VAV3: variants seen among roughly 807,000 people sequenced by gnomAD.
VAV3 encodes guanine nucleotide exchange factor VAV3.
VAV3 carries 94 observed loss-of-function variants against 131.2 expected under a neutral mutation model. The observed-to-expected ratio is 0.72, with a 90% confidence interval of 0.61 to 0.85. VAV3 has a LOEUF of 0.85. Ranked by LOEUF, VAV3 falls within the 40% of genes least tolerant of loss-of-function variation. VAV3 has a pLI of 0.00. For missense variants in VAV3, 939 were observed against 1,002.7 expected, an observed-to-expected ratio of 0.94 and a Z score of 0.86; for synonymous variants, 349 against 342.0, an observed-to-expected ratio of 1.02 and a Z score of -0.22.
At chr1:107,731,422 C>T (rs1662231318) in intron 15 of VAV3, among the ~76,000 whole-genome samples, 1 of 152,110 alleles carries the variant, frequency 6.6e-6, no homozygotes, top group Admixed American at 6.5e-5. Flanking sequence ...TTCATTTATT[C>T]ATAAAACAAT....
intron 1 of VAV3, among the ~76,000 whole-genome samples, chr1:107,936,453 A>G (rs1377177131): frequency 6.6e-6 from 1 of 152,208 alleles, no homozygotes; most frequent in East Asian, 1.9e-4. Context: ...ACACTAACAG[A>G]TTTGTCTTAC....
chr1:107,838,736 T>C (rs978449830), intron 2 of VAV3, among the ~76,000 whole-genome samples: 4 of 151,900 alleles, frequency 2.6e-5, no homozygotes, highest in Admixed American at 2.6e-4. Context: ...AGATAAGAAA[T>C]TGTACACCAT....
At chr1:107,687,271 A>G (rs917406990) in intron 18 of VAV3, among the ~76,000 whole-genome samples, 1 of 152,034 alleles carries the variant, frequency 6.6e-6, no homozygotes, top group Non-Finnish European at 1.5e-5. Flanking sequence ...TTTATATCAC[A>G]CTCTTGATAT....
rs542308199 is a variant in VAV3, at chr1:107,738,114, C to T, written c.1502+10854G>A. Reference sequence around the variant, plus strand: ...GCAAACTATTGCAAGGACAGAACACCAAACACCGCATGTTCTCACTCATAG... The same window carrying T: ...GCAAACTATTGCAAGGACAGAACACTAAACACCGCATGTTCTCACTCATAG... On this transcript the variant is annotated intron_variant, in intron 15 of 26. Coordinates refer to ENST00000370056, the MANE Select transcript of VAV3 (RefSeq NM_006113.5). 3.6e-4 allele frequency among the ~76,000 whole-genome samples: 55 copies of T among 152,270 alleles called. 1 individual carries two copies. Among genetic ancestry groups the T allele is most frequent in the African/African-American group, 1.3e-3 (55 of 41,552 alleles).
intron 1 of VAV3, among the ~76,000 whole-genome samples, chr1:107,912,895 A>G (rs1057297597): frequency 6.6e-6 from 1 of 152,190 alleles, no homozygotes; most frequent in African/African-American, 2.4e-5. Context: ...CCACAACCAC[A>G]CTTTCCACAG....
At chr1:107,924,176 T>C (rs1571147545) in intron 1 of VAV3, among the ~76,000 whole-genome samples, 1 of 152,162 alleles carries the variant, frequency 6.6e-6, no homozygotes. Flanking sequence ...TAGAATCTTA[T>C]TGGTGAGAAG....
chr1:107,701,830 G>T (rs1166311862), intron 17 of VAV3, among the ~76,000 whole-genome samples: 1 of 152,014 alleles, frequency 6.6e-6, no homozygotes, highest in Non-Finnish European at 1.5e-5. Context: ...ATCTCCATTT[G>T]GGACCACCTC....
chr1:107,703,812 T>C (rs2101842714), intron 17 of VAV3, among the ~76,000 whole-genome samples: 1 of 151,170 alleles, frequency 6.6e-6, no homozygotes, highest in East Asian at 1.9e-4. Context: ...GTCTTATTGA[T>C]AAAAACACAG....
intron 2 of VAV3, among the ~76,000 whole-genome samples, chr1:107,848,562 T>G (rs979820051): frequency 6.6e-6 from 1 of 152,154 alleles, no homozygotes; most frequent in African/African-American, 2.4e-5. Context: ...TAGGTACTGA[T>G]GGAACATATC....
chr1:107,931,363 G>A (rs1165144178), intron 1 of VAV3, among the ~76,000 whole-genome samples: 1 of 152,098 alleles, frequency 6.6e-6, no homozygotes. Flanking sequence ...TTGAATACAT[G>A]TATCAAAATA....
intron 5 of VAV3, among the ~76,000 whole-genome samples, chr1:107,772,178 G>A (rs553462380): frequency 4.6e-5 from 7 of 152,264 alleles, no homozygotes; most frequent in African/African-American, 9.6e-5. Context: ...CTTTCTGAAT[G>A]TTCTGGATAT....
chr1:107,807,830 A>T (rs1319807668), intron 2 of VAV3, among the ~76,000 whole-genome samples: 3 of 152,244 alleles, frequency 2.0e-5, no homozygotes, highest in Non-Finnish European at 2.9e-5. Flanking sequence ...CCTATTTTGC[A>T]GTGAAGGCAG....
intron 2 of VAV3, among the ~76,000 whole-genome samples, chr1:107,845,289 C>T (rs188394185): frequency 4.1e-4 from 63 of 152,284 alleles, no homozygotes; most frequent in Middle Eastern, 3.4e-3. Flanking sequence ...AAACCCCATT[C>T]AAAGATCACC....
In VAV3 at chr1:107,704,634, C is replaced by T; in HGVS notation, c.1621G>A (p.Gly541Ser). ...GCTCCACACTTAAAACATAAATAGC[C>T]TTGATAAAATGTTCCCCTGAAAGGT... ...QMLLRGTFYQ[G>S]YLCFKCGARA... Residue 541 changes from glycine to serine, a missense_variant, in exon 17 of 27, where the codon GGC (glycine) becomes AGC (serine). By Grantham distance (56) the Gly-to-Ser change is moderately conservative (BLOSUM62 0). Coordinates refer to ENST00000370056, the MANE Select transcript of VAV3 (RefSeq NM_006113.5). 1.2e-6 allele frequency: 2 copies of T among 1,613,468 alleles called. No individual in the cohort carries two copies. Among genetic ancestry groups the T allele is most frequent in the Non-Finnish European group, 8.5e-7 (1 of 1,179,716 alleles).
intron 2 of VAV3, among the ~76,000 whole-genome samples, chr1:107,781,796 A>T (rs1047519759): frequency 1.3e-5 from 2 of 152,224 alleles, no homozygotes; most frequent in Non-Finnish European, 2.9e-5. Flanking sequence ...AACCAATCAG[A>T]TAAAACTTGA....
At chr1:107,798,085 G>C (rs1411225532) in intron 2 of VAV3, among the ~76,000 whole-genome samples, 2 of 152,062 alleles carry the variant, frequency 1.3e-5, no homozygotes, top group Non-Finnish European at 2.9e-5. Context: ...ATAATATCTT[G>C]ACTTTAAAAA....
chr1:107,905,484 ACC>A (rs1189870847), intron 1 of VAV3, among the ~76,000 whole-genome samples: 2 of 152,148 alleles, frequency 1.3e-5, no homozygotes, highest in African/African-American at 4.8e-5. Context: ...TACATAGTAG[ACC>A]CATGGTAACT....
chr1:107,629,134 A>G (rs1654253002), intron 20 of VAV3, among the ~76,000 whole-genome samples: 1 of 152,222 alleles, frequency 6.6e-6, no homozygotes, highest in Admixed American at 6.5e-5. Flanking sequence ...CGTAAATGAC[A>G]ATGGAGCAAA....
intron 1 of VAV3, among the ~76,000 whole-genome samples, chr1:107,933,928 C>T (rs1673586010): frequency 6.6e-6 from 1 of 151,752 alleles, no homozygotes; most frequent in Non-Finnish European, 1.5e-5. Context: ...ACAGAAGTTA[C>T]AGTTTCTTCT....
Sources: allele counts gnomAD v4.1 joint callset (sites outside exome capture counted in the v4.1 genomes callset), GRCh38; gene constraint gnomAD v4.1.1; transcripts MANE v1.5; gene names NCBI Gene and HGNC (gene_info 2026-07-23, HGNC 2026-07-21).